Variants in PTPRD observed in about 807,000 individuals in gnomAD.
PTPRD encodes the protein receptor-type tyrosine-protein phosphatase delta.
Under a neutral mutation model 214.5 loss-of-function variants are expected in PTPRD, and 34 were observed. The observed-to-expected ratio is 0.16, with a 90% CI of 0.12 to 0.21. The LOEUF is 0.21. PTPRD is among the 10% of genes least tolerant of loss of function. The pLI is 1.00. For missense variants in PTPRD, 2,545 were observed against 2,398.7 expected (o/e 1.06, Z -1.27); for synonymous variants, 1,128 against 845.7 (o/e 1.33, Z -5.79).
At chr9:9,867,725 C>G (rs1205547069) in intron 5 of PTPRD, among the ~76,000 whole-genome samples, 1 of 152,102 alleles carries the variant, frequency 6.6e-6, no homozygotes, top group African/African-American at 2.4e-5. Context: ...CTATTGTTTT[C>G]TCTTAGGTCA....
chr9:8,376,824 T>C, intron 37 of PTPRD, 98 bp from the exon 38 acceptor site: 2 of 1,493,592 alleles, frequency 1.3e-6, no homozygotes, highest in Non-Finnish European at 1.8e-6. Context: ...TTTTCTGCAC[T>C]TCATTTTATG....
At chr9:8,725,030 A>G (rs1190958529) in intron 12 of PTPRD, among the ~76,000 whole-genome samples, 2 of 152,214 alleles carry the variant, frequency 1.3e-5, no homozygotes, top group African/African-American at 4.8e-5. Flanking sequence ...GTACTGTGCA[A>G]ATGTTAACTT....
At chr9:10,535,817 G>A (rs1006866359) in intron 2 of PTPRD, among the ~76,000 whole-genome samples, 1 of 152,052 alleles carries the variant, frequency 6.6e-6, no homozygotes, top group African/African-American at 2.4e-5. Flanking sequence ...CCTGTTGTAG[G>A]TGAATCCAGG....
At chr9:10,383,418 C>A (rs1207574303) in intron 2 of PTPRD, among the ~76,000 whole-genome samples, 1 of 151,800 alleles carries the variant, frequency 6.6e-6, no homozygotes, top group Non-Finnish European at 1.5e-5. Context: ...AAGGATGGGA[C>A]TATATGTCAT....
At chr9:9,889,857 T>C (rs534179605) in intron 5 of PTPRD, among the ~76,000 whole-genome samples, 53 of 151,916 alleles carry the variant, frequency 3.5e-4, no homozygotes, top group African/African-American at 1.3e-3. Context: ...GGGGCAGGTT[T>C]CTGAAGGGTG....
intron 11 of PTPRD, among the ~76,000 whole-genome samples, chr9:8,985,170 T>A (rs2099333967): frequency 6.6e-6 from 1 of 152,090 alleles, no homozygotes; most frequent in African/African-American, 2.4e-5. Context: ...GAAATACATA[T>A]TGTTTAGAAT....
chr9:9,373,663 T>C (rs993700455), intron 9 of PTPRD, among the ~76,000 whole-genome samples: 1 of 152,096 alleles, frequency 6.6e-6, no homozygotes, highest in Non-Finnish European at 1.5e-5. Context: ...TAATGAAATC[T>C]CCATTTCCTT....
At chr9:8,721,165 A>G (rs2098491495) in intron 12 of PTPRD, among the ~76,000 whole-genome samples, 1 of 152,082 alleles carries the variant, frequency 6.6e-6, no homozygotes, top group East Asian at 1.9e-4. Context: ...GTAGTGGCTC[A>G]CACCTGTTAT....
At chr9:10,567,099 G>A (rs1043550976) in intron 2 of PTPRD, among the ~76,000 whole-genome samples, 1 of 151,988 alleles carries the variant, frequency 6.6e-6, no homozygotes, top group Admixed American at 6.6e-5. Flanking sequence ...CTAGTATTTA[G>A]TAATTAGTGT....
chr9:8,840,676 T>C (rs2570962), intron 11 of PTPRD, among the ~76,000 whole-genome samples: 136,378 of 152,246 alleles, frequency 0.9, 61,272 homozygotes, highest in African/African-American at 0.97. Context: ...CACTGGGGCT[T>C]AGTATGTAAT....
intron 10 of PTPRD, among the ~76,000 whole-genome samples, chr9:9,151,813 G>A (rs79384594): frequency 0.033 from 5,086 of 152,180 alleles, 301 homozygotes; most frequent in African/African-American, 0.12. Context: ...ATATAAAGAG[G>A]CAAATGAAGC....
chr9:10,219,511 G>C (rs4741019), intron 3 of PTPRD, among the ~76,000 whole-genome samples: 94,899 of 151,546 alleles, frequency 0.63, 31,167 homozygotes, highest in Non-Finnish European at 0.73. Context: ...TTCTAGGAGG[G>C]ATGAGAGGCC....
chr9:9,401,049 T>C (rs1187604731), intron 8 of PTPRD, among the ~76,000 whole-genome samples: 1 of 152,028 alleles, frequency 6.6e-6, no homozygotes, highest in Admixed American at 6.6e-5. Flanking sequence ...ATTAAATATA[T>C]ATTATTACCT....
intron 11 of PTPRD, among the ~76,000 whole-genome samples, chr9:8,787,573 G>A (rs1599774762): frequency 6.6e-6 from 1 of 152,242 alleles, no homozygotes; most frequent in Non-Finnish European, 1.5e-5. Context: ...AGATCCATCT[G>A]GATCTTTCTC....
intron 10 of PTPRD, among the ~76,000 whole-genome samples, chr9:9,027,829 A>G (rs1464065002): frequency 6.6e-6 from 1 of 151,950 alleles, no homozygotes; most frequent in Non-Finnish European, 1.5e-5. Context: ...CTAAATTTTT[A>G]TGTTATTGAA....
chr9:9,305,971 A>C (rs1956998842), intron 9 of PTPRD, among the ~76,000 whole-genome samples: 1 of 152,112 alleles, frequency 6.6e-6, no homozygotes. Flanking sequence ...GAAATAATAA[A>C]TTTCTGTTGT....
intron 10 of PTPRD, among the ~76,000 whole-genome samples, chr9:9,143,121 T>C (rs558905302): frequency 6.6e-6 from 1 of 152,328 alleles, no homozygotes; most frequent in East Asian, 1.9e-4. Flanking sequence ...CTCTCCCCTT[T>C]GCAAATAGAC....
chr9:9,806,175 A>G (rs1413678212), intron 5 of PTPRD, among the ~76,000 whole-genome samples: 1 of 152,060 alleles, frequency 6.6e-6, no homozygotes, highest in East Asian at 1.9e-4. Context: ...AAGGCAAGAG[A>G]GCTCCAATTC....
At chr9:10,559,122 A>G (rs940824969) in intron 2 of PTPRD, among the ~76,000 whole-genome samples, 3 of 152,166 alleles carry the variant, frequency 2.0e-5, no homozygotes, top group African/African-American at 7.2e-5. Context: ...ATAGAAAAAC[A>G]TGAAGACCTT....
Sources: gnomAD v4.1 joint callset for allele counts (sites outside exome capture counted in the v4.1 genomes callset) on GRCh38, gnomAD v4.1.1 for gene constraint, MANE v1.5 for transcripts, NCBI Gene and HGNC (gene_info 2026-07-23, HGNC 2026-07-21) for gene names.